MAPK9: variants seen among roughly 807,000 people sequenced by gnomAD.
MAPK9 encodes Jun kinase.
A neutral mutation model predicts 57.1 loss-of-function variants in MAPK9; 30 were observed. The observed-to-expected ratio is 0.53, with a 90% confidence interval of 0.39 to 0.71. The LOEUF (loss-of-function observed/expected upper bound fraction) is 0.71. MAPK9 is among the 30% of genes least tolerant of loss of function. MAPK9 has a pLI of 0.00. For synonymous variants in MAPK9, 155 were observed against 177.0 expected (o/e 0.88, Z 0.99); for missense variants, 362 against 521.0 (o/e 0.69, Z 2.97).
intron 5 of MAPK9, among the ~76,000 whole-genome samples, chr5:180,250,277 C>T (rs893818776): frequency 1.3e-5 from 2 of 152,144 alleles, no homozygotes; most frequent in East Asian, 3.9e-4. Flanking sequence ...CAACCTTTTC[C>T]CTCATAACTA....
chr5:180,244,036 A>G (rs1427195869), intron 7 of MAPK9, among the ~76,000 whole-genome samples: 3 of 152,058 alleles, frequency 2.0e-5, no homozygotes, highest in Non-Finnish European at 4.4e-5. Flanking sequence ...TTTAGTAGAG[A>G]TGGGGTTTCG....
At chr5:180,239,354 C>CACAG (rs1757466000) in intron 10 of MAPK9, among the ~76,000 whole-genome samples, 1 of 152,234 alleles carries the variant, frequency 6.6e-6, no homozygotes, top group South Asian at 2.1e-4. Context: ...CACGGGCACA[C>CACAG]ACAGGTAACC....
At chr5:180,267,190 G>A (rs1379021297) in intron 3 of MAPK9, among the ~76,000 whole-genome samples, 1 of 152,062 alleles carries the variant, frequency 6.6e-6, no homozygotes, top group Non-Finnish European at 1.5e-5. Flanking sequence ...GTATTCAGGA[G>A]TTTTTACTTT....
At chr5:180,267,852 TTTTA>T (rs542480114) in intron 3 of MAPK9, among the ~76,000 whole-genome samples, 1,839 of 151,834 alleles carry the variant, frequency 0.012, 31 homozygotes, top group African/African-American at 0.042. Context: ...ACGTTTTATA[TTTTA>T]TTTATTTATT....
chr5:180,237,358 G>C (rs945538708), intron 11 of MAPK9: 1 of 152,202 alleles, frequency 6.6e-6, no homozygotes, highest in Non-Finnish European at 1.5e-5. Context: ...GAGTGGGAGA[G>C]AGACAATGAT....
rs145666332 is a variant in MAPK9, at chr5:180,278,653, C to T, written c.122+1787G>A. ...GGCGGAGGCTACAGTGAGCTGAGAT[C>T]GCGCCACTGCACTCCAGCCTGGTGA... On this transcript the variant is annotated intron_variant, in intron 2 of 11. Coordinates refer to ENST00000452135, the MANE Select transcript of MAPK9 (RefSeq NM_002752.5). Among the ~76,000 whole-genome samples, 847 of 152,190 alleles carry T rather than the reference C, an allele frequency of 5.6e-3. 20 individuals are homozygous for T. The highest frequency in any genetic ancestry group is 0.051 in the South Asian group (246 of 4,824).
chr5:180,291,191 G>C (rs1763197307), intron 1 of MAPK9, among the ~76,000 whole-genome samples: 1 of 152,162 alleles, frequency 6.6e-6, no homozygotes, highest in Non-Finnish European at 1.5e-5. Flanking sequence ...AGTGGGACGG[G>C]GCAGCAGTCT....
At chr5:180,276,950 A>T (rs1761879298) in intron 2 of MAPK9, among the ~76,000 whole-genome samples, 1 of 152,224 alleles carries the variant, frequency 6.6e-6, no homozygotes, top group Non-Finnish European at 1.5e-5. Flanking sequence ...AATCAAAGAC[A>T]ACTATAAAAA....
At position 180,247,054 on chromosome 5, in the gene MAPK9, A is replaced by G. The variant is rs1758179156; in HGVS notation, c.688+385T>C. The stretch of plus-strand genomic sequence containing the variant: ...GCACACAAGCACACTAGCCTATTAA[A>G]TTTAGATAGCATCTTTCCTAGTTAA... On this transcript the variant is annotated intron_variant, in intron 7 of 11. Transcript: ENST00000452135. This position sits in a 1 kb window ranked among gnomAD's most constrained non-coding sequence, Gnocchi z 4.5. The G allele has an allele frequency of 4.6e-6, 1 of 216,146 alleles. No individual in the cohort carries two copies. The allele number at this position is 216,146 out of a possible 1,614,324, so 13.4% of individuals were successfully genotyped here.
chr5:180,258,126 C>T (rs539202542), intron 5 of MAPK9: 12 of 152,228 alleles, frequency 7.9e-5, no homozygotes, highest in African/African-American at 1.7e-4. Flanking sequence ...TAATTTACAA[C>T]GGAGAAAAAC....
At chr5:180,243,390 T>C (rs975964201) in intron 7 of MAPK9, among the ~76,000 whole-genome samples, 1 of 152,228 alleles carries the variant, frequency 6.6e-6, no homozygotes, top group Non-Finnish European at 1.5e-5. Flanking sequence ...ACTCAGTGTG[T>C]CAGGAAAGTC....
Position 180,291,968 on chromosome 5 carries a change from G to A in MAPK9, c.-168C>T, listed in dbSNP as rs1763308391. On this transcript the variant is annotated 5_prime_UTR_variant, in exon 1 of 12. Transcript: ENST00000452135. ...CCGCCGGCCCGCCCCGCTCCGCTCC[G>A]CCCCGCCGCCGCCGCCGCCGCCGCC... 1 of 104,878 alleles carries A rather than the reference G, an allele frequency of 9.5e-6. No homozygotes were observed. The highest frequency in any genetic ancestry group is 1.8e-5 in the Non-Finnish European group (1 of 55,820). The allele number at this position is 104,878 out of a possible 1,614,324, so 6.5% of individuals were successfully genotyped here.
At chr5:180,250,045 A>G (rs1471867246) in intron 5 of MAPK9, among the ~76,000 whole-genome samples, 1 of 152,086 alleles carries the variant, frequency 6.6e-6, no homozygotes, top group African/African-American at 2.4e-5. Context: ...TTCGCCACAA[A>G]GACACGCCAG....
At chr5:180,261,589 G>T in intron 5 of MAPK9, 95 bp downstream of exon 5, 3 of 1,183,698 alleles carry the variant, frequency 2.5e-6, no homozygotes, top group Non-Finnish European at 3.5e-6. Context: ...GGATTTTCAA[G>T]CCTAACAATT....
chr5:180,248,039 T>A, intron 6 of MAPK9: 1 of 927,824 alleles, frequency 1.1e-6, no homozygotes, highest in Non-Finnish European at 1.6e-6. Flanking sequence ...GGAGCCTCTG[T>A]GCGTTGTTGA....
rs1049789220 is a variant in MAPK9 at position 180,264,737 on chromosome 5, A to C, written c.311+44T>G. 6.7e-6 allele frequency: 10 copies of C among 1,492,560 alleles called. No individual in the cohort carries two copies. The African/African-American group carries it at 1.4e-4, about 22-fold the overall frequency. 92.5% of individuals were successfully genotyped at this position (1,492,560 alleles called of 1,614,324 possible). On this transcript the variant is annotated intron_variant, in intron 4 of 11. Coordinates refer to ENST00000452135, the MANE Select transcript of MAPK9 (RefSeq NM_002752.5). ...CAGTTGCTGTCTTTTCTAGATGTTC[A>C]TTCTTTGATGTACAGTGCATTACTG...
In MAPK9 at chr5:180,234,181, A is replaced by G. The variant is rs1409067338; in HGVS notation, c.*2203T>C. The stretch of plus-strand genomic sequence containing the variant: ...ACTTCCTGGGTTGTGTACAATATAA[A>G]TTACAAAAATAAAATAGAAAAGATG... On this transcript the variant is annotated 3_prime_UTR_variant, in exon 12 of 12. Coordinates refer to ENST00000452135, the MANE Select transcript of MAPK9 (RefSeq NM_002752.5). The G allele has an allele frequency of 6.6e-6, 1 of 152,230 alleles. No individual in the cohort carries two copies. Among genetic ancestry groups the G allele is most frequent in the African/African-American group, 2.4e-5 (1 of 41,456 alleles). 9.4% of individuals were successfully genotyped at this position (152,230 alleles called of 1,614,324 possible).
chr5:180,236,204 A>G lies in MAPK9; in HGVS notation c.*180T>C, dbSNP rs1279177815. ...GCTTGCAATTTTTTTCTTCAGACAT[A>G]TTCTGCCTCATTTTATCATCTAAGC... On this transcript the variant is annotated 3_prime_UTR_variant, in exon 12 of 12. Coordinates refer to ENST00000452135, the MANE Select transcript of MAPK9 (RefSeq NM_002752.5). The G allele has an allele frequency of 1.7e-6, 1 of 572,522 alleles. No individual in the cohort carries two copies. Among genetic ancestry groups the G allele is most frequent in the African/African-American group, 1.9e-5 (1 of 52,324 alleles). 35.5% of individuals were successfully genotyped at this position (572,522 alleles called of 1,614,324 possible). A position where few individuals can be genotyped will look rare whatever the true frequency, so the allele number is the denominator to read the frequency against.
intron 1 of MAPK9, among the ~76,000 whole-genome samples, chr5:180,291,149 T>C (rs892714304): frequency 6.6e-6 from 1 of 151,870 alleles, no homozygotes; most frequent in African/African-American, 2.4e-5. Context: ...CTGGGGCAAA[T>C]GCGGGCTGGC....
Sources: gnomAD v4.1 joint callset for allele counts (sites outside exome capture counted in the v4.1 genomes callset) on GRCh38, gnomAD v4.1.1 for gene constraint, Gnocchi (gnomAD v3.1) non-coding constraint, MANE v1.5 for transcripts, NCBI Gene and HGNC (gene_info 2026-07-23, HGNC 2026-07-21) for gene names.